BCKDHB: variants seen among roughly 807,000 people sequenced by gnomAD.
BCKDHB encodes branched chain keto acid dehydrogenase E1 subunit beta.
Under a neutral mutation model 48.5 loss-of-function variants are expected in BCKDHB, and 41 were observed. The ratio of observed to expected loss-of-function variants is 0.85; its 90% confidence interval spans 0.66 to 1.10. The LOEUF is 1.10. BCKDHB is among the 50% of genes least tolerant of loss of function. The pLI, the probability that BCKDHB is intolerant of heterozygous loss-of-function variation, is 0.00. For missense variants in BCKDHB, 496 were observed against 494.2 expected, an observed-to-expected ratio of 1.00 and a Z score of -0.03; for synonymous variants, 201 against 174.8, an observed-to-expected ratio of 1.15 and a Z score of -1.18.
At chr6:80,304,581 C>G (rs1767757678) in intron 9 of BCKDHB, among the ~76,000 whole-genome samples, 1 of 152,032 alleles carries the variant, frequency 6.6e-6, no homozygotes, top group Non-Finnish European at 1.5e-5. Flanking sequence ...GATGAGAAAA[C>G]CTAGCCCATC....
intron 9 of BCKDHB, among the ~76,000 whole-genome samples, chr6:80,276,309 A>T (rs1331067337): frequency 1.3e-5 from 2 of 151,992 alleles, no homozygotes; most frequent in Admixed American, 1.3e-4. Flanking sequence ...AAATACATTA[A>T]AATCTGAAAA....
the BCKDHB span, among the ~76,000 whole-genome samples, chr6:80,413,251 A>T: frequency 2.6e-5 from 4 of 152,178 alleles, no homozygotes; most frequent in Admixed American, 2.0e-4. Flanking sequence ...AGCAAAAAAA[A>T]GTTAATAAAT....
intron 8 of BCKDHB, among the ~76,000 whole-genome samples, chr6:80,219,598 C>G (rs1056441116): frequency 6.6e-6 from 1 of 152,202 alleles, no homozygotes; most frequent in African/African-American, 2.4e-5. Context: ...CTCCACTTCA[C>G]TCTTAAAGGC....
chr6:80,349,665 T>G (rs77811136), downstream of BCKDHB, among the ~76,000 whole-genome samples: 488 of 152,266 alleles, frequency 3.2e-3, 10 homozygotes, highest in East Asian at 0.057. Context: ...ATAATTCATA[T>G]CAGACAAAAT....
At chr6:80,398,723 C>T in the BCKDHB span, among the ~76,000 whole-genome samples, 1 of 151,490 alleles carries the variant, frequency 6.6e-6, no homozygotes, top group Admixed American at 6.6e-5. Context: ...AGGGATGACT[C>T]CTACCCAACT....
chr6:80,147,376 C>T (rs1039305325), intron 3 of BCKDHB, among the ~76,000 whole-genome samples: 2 of 152,020 alleles, frequency 1.3e-5, no homozygotes, highest in Admixed American at 1.3e-4. Flanking sequence ...TATATGTGCT[C>T]AATAAATATA....
At chr6:80,187,320 G>A (rs1773687676) in intron 6 of BCKDHB, among the ~76,000 whole-genome samples, 1 of 152,022 alleles carries the variant, frequency 6.6e-6, no homozygotes, top group African/African-American at 2.4e-5. Flanking sequence ...AAAAGTTGTT[G>A]CTATTATTAT....
downstream of BCKDHB, among the ~76,000 whole-genome samples, chr6:80,350,423 G>A (rs73467561): frequency 0.21 from 31,233 of 151,616 alleles, 3,726 homozygotes; most frequent in South Asian, 0.37. Context: ...GTATATGTCT[G>A]TATCCTGTGA....
At chr6:80,247,485 A>T (rs1383184452) in intron 8 of BCKDHB, among the ~76,000 whole-genome samples, 2 of 152,246 alleles carry the variant, frequency 1.3e-5, no homozygotes, top group African/African-American at 4.8e-5. Context: ...TTTTTCAAAG[A>T]TATGTTACAG....
chr6:80,300,569 C>A (rs567024638), intron 9 of BCKDHB, among the ~76,000 whole-genome samples: 1 of 152,264 alleles, frequency 6.6e-6, no homozygotes, highest in Non-Finnish European at 1.5e-5. Flanking sequence ...TAGGAGACTT[C>A]AACAAGCCAC....
the BCKDHB span, among the ~76,000 whole-genome samples, chr6:80,368,385 A>T: frequency 6.6e-6 from 1 of 152,210 alleles, no homozygotes; most frequent in African/African-American, 2.4e-5. Flanking sequence ...ATCTGCCTGC[A>T]GTTACAATTT....
the BCKDHB span, among the ~76,000 whole-genome samples, chr6:80,458,222 G>T: frequency 6.6e-6 from 1 of 152,174 alleles, no homozygotes; most frequent in Non-Finnish European, 1.5e-5. Context: ...GCAGATCAAA[G>T]GAAGGCTTCA....
At chr6:80,163,812 C>T (rs1356294792) in intron 3 of BCKDHB, among the ~76,000 whole-genome samples, 1 of 152,150 alleles carries the variant, frequency 6.6e-6, no homozygotes, top group Non-Finnish European at 1.5e-5. Context: ...GAACTCTGTC[C>T]TTCAGGTTAC....
At chr6:80,334,740 T>A (rs1769486374) in intron 9 of BCKDHB, among the ~76,000 whole-genome samples, 1 of 152,030 alleles carries the variant, frequency 6.6e-6, no homozygotes, top group African/African-American at 2.4e-5. Flanking sequence ...TTGTCTTTTT[T>A]ATGTTTAGCA....
rs536708854 is a variant in BCKDHB at position 80,306,994 on chromosome 6, A to T, written c.1038+33773A>T. On this transcript the variant is annotated intron_variant, in intron 9 of 9. Coordinates refer to ENST00000320393, the MANE Select transcript of BCKDHB (RefSeq NM_183050.4). Reference sequence around the variant, plus strand: ...AGTATTCATTGGACCAACCTCCAGCATATCCCAGATATGTTCCTCATATTG... The same window carrying T: ...AGTATTCATTGGACCAACCTCCAGCTTATCCCAGATATGTTCCTCATATTG... Among the ~76,000 whole-genome samples the T allele has an allele frequency of 3.9e-5, 6 of 152,300 alleles. No homozygotes were observed. The East Asian group carries it at 1.2e-3, about 29-fold the overall frequency.
chr6:80,278,189 T>G (rs1016740475), intron 9 of BCKDHB, among the ~76,000 whole-genome samples: 6 of 152,118 alleles, frequency 3.9e-5, no homozygotes, highest in African/African-American at 1.4e-4. Context: ...AACAAAAAAT[T>G]TACCAGTGAT....
At position 80,308,597 on chromosome 6, in the gene BCKDHB, C is replaced by CTT. The variant is rs34359456; in HGVS notation, c.1039-35053_1039-35052dup. On this transcript the variant is annotated intron_variant, in intron 9 of 9. Transcript: ENST00000320393. ...GGTAGATTTTCTTCTTCTTCTTCTT[C>CTT]TTTTTTTTTTTTTTTGAGACGGAGT... Among the ~76,000 whole-genome samples the CTT allele has an allele frequency of 7.8e-4, 108 of 138,618 alleles. 1 individual carries two copies. The highest frequency in any genetic ancestry group is 1.9e-3 in the East Asian group (9 of 4,778). 90.9% of individuals were successfully genotyped at this position (138,618 alleles called of 152,430 possible). A position where few individuals can be genotyped will look rare whatever the true frequency, so the allele number is the denominator to read the frequency against.
intron 3 of BCKDHB, among the ~76,000 whole-genome samples, chr6:80,135,380 A>G (rs987930279): frequency 2.0e-5 from 3 of 152,270 alleles, no homozygotes; most frequent in Non-Finnish European, 4.4e-5. Flanking sequence ...ATTGAAGTAT[A>G]CATATTTATG....
At chr6:80,127,323 T>G in intron 1 of BCKDHB, 1 of 507,930 alleles carries the variant, frequency 2.0e-6, no homozygotes. Context: ...GTTTTATACT[T>G]TTACAAAAAA....
Sources: gnomAD v4.1 joint callset for allele counts (sites outside exome capture counted in the v4.1 genomes callset) on GRCh38, gnomAD v4.1.1 for gene constraint, MANE v1.5 for transcripts, NCBI Gene and HGNC (gene_info 2026-07-23, HGNC 2026-07-21) for gene names.